FBN2: variants seen among roughly 807,000 people sequenced by gnomAD.
The protein encoded by FBN2 is fibrillin-2.
FBN2 carries 105 observed loss-of-function variants against 355.6 expected under a neutral mutation model. The ratio of observed to expected loss-of-function variants is 0.30; its 90% CI spans 0.25 to 0.35. The LOEUF is 0.35. Among genes scored for constraint, FBN2 ranks in the 10% least tolerant of loss-of-function variants. FBN2 has a pLI of 1.00. For synonymous variants in FBN2, 1,350 were observed against 1,301.2 expected, an observed-to-expected ratio of 1.04 and a Z score of -0.81; for missense variants, 3,280 against 3,758.7, an observed-to-expected ratio of 0.87 and a Z score of 3.33.
chr5:128,528,774 A>G (rs556197086), intron 3 of FBN2, among the ~76,000 whole-genome samples: 7 of 152,206 alleles, frequency 4.6e-5, no homozygotes, highest in African/African-American at 4.8e-5. Context: ...TTTAAATGAG[A>G]AAGTGAAGTG....
In FBN2 at chr5:128,369,259, G is replaced by A. The variant is rs1751864005; in HGVS notation, c.2171C>T (p.Thr724Ile). 1.2e-6 allele frequency: 2 copies of A among 1,614,150 alleles called. No homozygotes were observed. Residue 724 changes from threonine to isoleucine, a missense_variant, in exon 16 of 65, where the codon ACC becomes ATC. Physicochemically the swap from Thr to Ile is moderately conservative, Grantham distance 89 (BLOSUM62 -1). Coordinates refer to ENST00000262464, the MANE Select transcript of FBN2 (RefSeq NM_001999.4). The stretch of plus-strand genomic sequence containing the variant: ...ATTGGCACAGCAGCATTCGGACTTG[G>A]TCACTGCACCGGGGAAAGGACGCAC... Reference protein sequence around the residue: ...VCVRPFPGAVTKSECCCANPD... With the variant: ...VCVRPFPGAVIKSECCCANPD...
intron 7 of FBN2, among the ~76,000 whole-genome samples, chr5:128,426,930 C>A (rs1220180982): frequency 6.6e-6 from 1 of 152,172 alleles, no homozygotes; most frequent in East Asian, 1.9e-4. Flanking sequence ...TGTTCTAGGG[C>A]TCAGCACTTG....
chr5:128,310,442 A>G (rs972505765), intron 39 of FBN2, among the ~76,000 whole-genome samples: 15 of 138,494 alleles, frequency 1.1e-4, no homozygotes, highest in African/African-American at 2.5e-4. Flanking sequence ...GCATTCTTCA[A>G]TTGGAATTTC....
intron 5 of FBN2, among the ~76,000 whole-genome samples, chr5:128,511,924 C>T (rs1055910205): frequency 1.3e-5 from 2 of 152,122 alleles, no homozygotes; most frequent in African/African-American, 2.4e-5. Context: ...AGAATAATAA[C>T]TTGTGTATAG....
intron 6 of FBN2, among the ~76,000 whole-genome samples, chr5:128,463,648 T>C (rs1754618455): frequency 6.6e-6 from 1 of 152,186 alleles, no homozygotes; most frequent in Non-Finnish European, 1.5e-5. Context: ...CATTTTATTA[T>C]TCAATGAACT....
intron 35 of FBN2, among the ~76,000 whole-genome samples, chr5:128,318,664 A>G (rs1410655746): frequency 6.6e-6 from 1 of 152,124 alleles, no homozygotes; most frequent in Non-Finnish European, 1.5e-5. Context: ...TCAGATATTT[A>G]ACAATCATAC....
rs373053836 is a variant in FBN2 at position 128,324,813 on chromosome 5, G to A, written c.4471+3883C>T. On this transcript the variant is annotated intron_variant, in intron 34 of 64. Transcript: ENST00000262464. ...TTTTTGTATTTTTAGTAGAGATGGG[G>A]TTTTGCCATGTTAGCCAGTATGATC... is the stretch of plus-strand genomic sequence containing the variant. Among the ~76,000 whole-genome samples, 2 of 151,918 alleles carry A rather than the reference G, an allele frequency of 1.3e-5. 1 individual carries two copies. Among genetic ancestry groups the A allele is most frequent in the South Asian group, 4.2e-4 (2 of 4,812 alleles).
intron 31 of FBN2, among the ~76,000 whole-genome samples, chr5:128,333,353 A>C (rs967373054): frequency 6.6e-6 from 1 of 152,158 alleles, no homozygotes; most frequent in Non-Finnish European, 1.5e-5. Flanking sequence ...TTCAGACACA[A>C]CACCATAAAG....
intron 43 of FBN2, 52 bp from the exon 44 acceptor site, chr5:128,305,688 C>A (rs775926485): frequency 6.9e-6 from 11 of 1,605,722 alleles, no homozygotes; most frequent in Non-Finnish European, 7.7e-6. Context: ...ATTGTATTAG[C>A]ATTACATTCA....
chr5:128,446,307 A>G (rs1314420352), intron 7 of FBN2, 174 bp downstream of exon 7: 2 of 607,070 alleles, frequency 3.3e-6, no homozygotes, highest in African/African-American at 1.9e-5. Flanking sequence ...TTCAAATCAA[A>G]CCCACTAAGG....
intron 6 of FBN2, among the ~76,000 whole-genome samples, chr5:128,453,851 A>C (rs1381265933): frequency 1.3e-5 from 2 of 152,012 alleles, no homozygotes; most frequent in African/African-American, 4.8e-5. Flanking sequence ...TTCAACTGTC[A>C]GTTGGTGGTG....
intron 15 of FBN2, among the ~76,000 whole-genome samples, chr5:128,370,476 C>T (rs1356716436): frequency 3.3e-5 from 5 of 152,038 alleles, no homozygotes; most frequent in Non-Finnish European, 4.4e-5. Context: ...TGGAAGGAGG[C>T]CATGGAATTC....
intron 7 of FBN2, among the ~76,000 whole-genome samples, chr5:128,412,113 A>G (rs972616038): frequency 2.6e-5 from 4 of 152,134 alleles, no homozygotes; most frequent in African/African-American, 9.7e-5. Flanking sequence ...TTTTGAAACT[A>G]TATCAGTTTG....
intron 11 of FBN2, among the ~76,000 whole-genome samples, chr5:128,386,268 T>C (rs1385705089): frequency 6.6e-6 from 1 of 152,220 alleles, no homozygotes; most frequent in African/African-American, 2.4e-5. Context: ...GCATCATTTA[T>C]CGAATAGGGA....
intron 8 of FBN2, among the ~76,000 whole-genome samples, chr5:128,396,957 A>G (rs1008778312): frequency 6.6e-6 from 1 of 152,196 alleles, no homozygotes; most frequent in Non-Finnish European, 1.5e-5. Flanking sequence ...TAAGCACATT[A>G]TGTCCTCTAA....
chr5:128,290,925 A>G (rs763635090), intron 49 of FBN2, 41 bp from the exon 50 acceptor site: 1 of 1,582,704 alleles, frequency 6.3e-7, no homozygotes. Flanking sequence ...ATTATTTTGT[A>G]ACACTGTTTG....
At chr5:128,510,563 C>A (rs189817639) in intron 5 of FBN2, among the ~76,000 whole-genome samples, 45 of 152,234 alleles carry the variant, frequency 3.0e-4, no homozygotes, top group Non-Finnish European at 8.8e-5. Context: ...CTAATTTATT[C>A]CTGTTAGTCT....
Position 128,300,937 on chromosome 5 carries a change from C to T in FBN2, c.6047-1G>A, listed in dbSNP as rs1749697896. Reference sequence around the variant, plus strand: ...GGAAGGGCGACACACTCATTAGTGTCTTTAGAGAAAAAGAAGAGAAAAAAT... The same window carrying T: ...GGAAGGGCGACACACTCATTAGTGTTTTTAGAGAAAAAGAAGAGAAAAAAT... On this transcript the variant is annotated splice_acceptor_variant, in intron 47 of 64. Transcript: ENST00000262464. LOFTEE classifies it high-confidence loss of function. 6.2e-7 allele frequency: 1 copy of T among 1,613,112 alleles called. No homozygotes were observed. Among genetic ancestry groups the T allele is most frequent in the Non-Finnish European group, 8.5e-7 (1 of 1,179,310 alleles).
chr5:128,300,752 A>AGAG, intron 48 of FBN2, 65 bp downstream of exon 48: 1 of 1,552,658 alleles, frequency 6.4e-7, no homozygotes, highest in African/African-American at 1.4e-5. Flanking sequence ...GTATGTTTCC[A>AGAG]GAGTCTTTAC....
Sources: gnomAD v4.1 joint callset for allele counts (sites outside exome capture counted in the v4.1 genomes callset) on GRCh38, gnomAD v4.1.1 for gene constraint, MANE v1.5 for transcripts, NCBI Gene and HGNC (gene_info 2026-07-23, HGNC 2026-07-21) for gene names.